Variants in FGFR2 observed in about 807,000 individuals in gnomAD.
FGFR2 encodes BEK fibroblast growth factor receptor.
FGFR2 carries 19 observed loss-of-function variants against 95.9 expected under a neutral mutation model. That is an observed-to-expected ratio of 0.20 (90% CI 0.14 to 0.29). The LOEUF (loss-of-function observed/expected upper bound fraction) is 0.29. Among genes scored for constraint, FGFR2 ranks in the 10% least tolerant of loss-of-function variants. The probability of loss-of-function intolerance (pLI) is 1.00; values close to 1 mark genes in which losing one functional copy is unlikely to be tolerated. For synonymous variants in FGFR2, 392 were observed against 393.3 expected (o/e 1.00, Z 0.04); for missense variants, 707 against 1,056.9 (o/e 0.67, Z 4.59).
At chr10:121,521,975 G>A (rs971526507) in intron 6 of FGFR2, among the ~76,000 whole-genome samples, 2 of 152,210 alleles carry the variant, frequency 1.3e-5, no homozygotes, top group Admixed American at 6.5e-5. Flanking sequence ...GAAGAAGGAG[G>A]AAATGGTGCA....
At chr10:121,581,053 T>G (rs1043102529) in intron 2 of FGFR2, among the ~76,000 whole-genome samples, 3 of 152,158 alleles carry the variant, frequency 2.0e-5, no homozygotes, top group African/African-American at 7.2e-5. Flanking sequence ...TGCCTCCACA[T>G]TGACCTGGCA....
chr10:121,500,688 C>T lies in FGFR2; in HGVS notation c.1561+138G>A. 5 of 1,216,234 alleles carry T rather than the reference C, an allele frequency of 4.1e-6. No individual in the cohort carries two copies. In the Admixed American group the frequency reaches 7.0e-5, roughly 17 times the overall value. 75.3% of individuals were successfully genotyped at this position (1,216,234 alleles called of 1,614,324 possible). ...AGTCTGTCCGAGATGCTGATTTATACCGAAAACTTCTCAACCCCTAGGTCA... is the reference window on the plus strand; with the variant it reads ...AGTCTGTCCGAGATGCTGATTTATATCGAAAACTTCTCAACCCCTAGGTCA... On this transcript the variant is annotated intron_variant, in intron 11 of 17. Transcript: ENST00000358487.
At chr10:121,547,056 C>T (rs1854623453) in intron 5 of FGFR2, among the ~76,000 whole-genome samples, 1 of 152,100 alleles carries the variant, frequency 6.6e-6, no homozygotes, top group African/African-American at 2.4e-5. Flanking sequence ...GAAACCCCAT[C>T]TCCACTAAAA....
At position 121,500,807 on chromosome 10, in the gene FGFR2, C is replaced by G; in HGVS notation, c.1561+19G>C. 6.2e-7 allele frequency: 1 copy of G among 1,613,476 alleles called. No individual in the cohort carries two copies. The highest frequency in any genetic ancestry group is 8.5e-7 in the Non-Finnish European group (1 of 1,180,022). Reference sequence around the variant, plus strand: ...CTCTCCACCCAGCCCCTCCCCGAGCCTCCCGCCTCCCCGCTCACCTTTCAA... The same window carrying G: ...CTCTCCACCCAGCCCCTCCCCGAGCGTCCCGCCTCCCCGCTCACCTTTCAA... On this transcript the variant is annotated intron_variant, in intron 11 of 17. Coordinates refer to ENST00000358487, the MANE Select transcript of FGFR2 (RefSeq NM_000141.5).
At chr10:121,538,425 A>C in intron 6 of FGFR2, 167 bp downstream of exon 6, 1 of 1,057,874 alleles carries the variant, frequency 9.5e-7, no homozygotes. Context: ...AAAACAGAAT[A>C]TTGTCAGATG....
At chr10:121,503,699 T>A in intron 10 of FGFR2, 91 bp downstream of exon 10, 1 of 1,415,656 alleles carries the variant, frequency 7.1e-7, no homozygotes, top group Non-Finnish European at 1.0e-6. Context: ...AAGACCTTTG[T>A]GGCTAAGGGT....
chr10:121,482,542 T>A (rs921484510), intron 17 of FGFR2, among the ~76,000 whole-genome samples: 4 of 152,236 alleles, frequency 2.6e-5, no homozygotes, highest in African/African-American at 9.6e-5. Flanking sequence ...GACAATTGCA[T>A]GGTTTGGAGT....
chr10:121,574,798 G>A (rs565537578), intron 2 of FGFR2, among the ~76,000 whole-genome samples: 5 of 152,230 alleles, frequency 3.3e-5, no homozygotes, highest in East Asian at 1.9e-4. Context: ...CAAATACTCC[G>A]CACAATATAA....
Position 121,503,809 on chromosome 10 carries a change from A to G in FGFR2, c.1420T>C (p.Trp474Arg). The change falls in exon 10 of 18, where the codon TGG becomes CGG. Residue 474 changes from tryptophan (W) to arginine (R), a missense_variant. Around this residue, in one of 7 missense-constraint regions of FGFR2, gnomAD observed 194 missense variants for 267.3 expected, o/e 0.73. Transcript: ENST00000358487. ...ACTCACTTATCTCTTGGAAACTCCC[A>G]TTTTGGGTCCTCTGGAAGTTCATAC... ...SEYELPEDPKWEFPRDKLTLG... is the reference protein window; with the variant it reads ...SEYELPEDPKREFPRDKLTLG... 6.2e-7 allele frequency: 1 copy of G among 1,614,154 alleles called. No individual in the cohort carries two copies. The highest frequency in any genetic ancestry group is 8.5e-7 in the Non-Finnish European group (1 of 1,180,026).
At chr10:121,504,616 C>T (rs192819260) in intron 9 of FGFR2, among the ~76,000 whole-genome samples, 5 of 152,194 alleles carry the variant, frequency 3.3e-5, no homozygotes, top group East Asian at 1.9e-4. Flanking sequence ...CTCTTGTCTT[C>T]GGTTTCAGAA....
At chr10:121,571,336 T>C (rs1290120242) in intron 2 of FGFR2, among the ~76,000 whole-genome samples, 69 of 107,390 alleles carry the variant, frequency 6.4e-4, no homozygotes, top group African/African-American at 2.5e-3. Context: ...AGTCTCGCTC[T>C]CTCCCAGGCT....
At chr10:121,507,455 G>T (rs546635975) in intron 9 of FGFR2, among the ~76,000 whole-genome samples, 28 of 152,296 alleles carry the variant, frequency 1.8e-4, no homozygotes, top group Non-Finnish European at 3.7e-4. Context: ...GGGCATGGTG[G>T]TGAGTGCCTG....
At chr10:121,551,543 G>A (rs1023792314) in intron 4 of FGFR2, 84 bp from the exon 5 acceptor site, 15 of 1,261,222 alleles carry the variant, frequency 1.2e-5, no homozygotes, top group Admixed American at 9.4e-5. Flanking sequence ...AGATCATTTC[G>A]CTTTGCATGT....
At chr10:121,574,583 G>A (rs1471487656) in intron 2 of FGFR2, among the ~76,000 whole-genome samples, 3 of 152,006 alleles carry the variant, frequency 2.0e-5, no homozygotes, top group Non-Finnish European at 2.9e-5. Flanking sequence ...ATGGAGTCCC[G>A]CCATTGAAGT....
chr10:121,586,576 G>A (rs1036920892), intron 2 of FGFR2, among the ~76,000 whole-genome samples: 2 of 152,328 alleles, frequency 1.3e-5, no homozygotes, highest in African/African-American at 4.8e-5. Context: ...CCAAAGTGGA[G>A]TAAATTACAC....
At chr10:121,516,936 A>C (rs1282317012) in intron 8 of FGFR2, among the ~76,000 whole-genome samples, 1 of 152,230 alleles carries the variant, frequency 6.6e-6, no homozygotes, top group Non-Finnish European at 1.5e-5. Flanking sequence ...GATGAAAGCA[A>C]TAAAAACACA....
intron 4 of FGFR2, among the ~76,000 whole-genome samples, chr10:121,563,785 C>A (rs1022659205): frequency 3.9e-5 from 6 of 152,186 alleles, no homozygotes; most frequent in East Asian, 3.9e-4. Flanking sequence ...CAAGAGGCTA[C>A]GCCATGTTCT....
chr10:121,533,396 C>T (rs1470959086), intron 6 of FGFR2, among the ~76,000 whole-genome samples: 1 of 152,118 alleles, frequency 6.6e-6, no homozygotes, highest in African/African-American at 2.4e-5. Flanking sequence ...TCTCAAAAAA[C>T]ACAAGGAGTG....
At chr10:121,547,225 A>AAAAAAT (rs1220412540) in intron 5 of FGFR2, among the ~76,000 whole-genome samples, 1 of 152,162 alleles carries the variant, frequency 6.6e-6, no homozygotes, top group Non-Finnish European at 1.5e-5. Flanking sequence ...ACTCAGTCTC[A>AAAAAAT]AAAAATAAAA....
Sources: gnomAD v4.1 joint callset for allele counts (sites outside exome capture counted in the v4.1 genomes callset) on GRCh38, gnomAD v4.1.1 for gene constraint, gnomAD v4.1.1 regional missense constraint, MANE v1.5 for transcripts, NCBI Gene and HGNC (gene_info 2026-07-23, HGNC 2026-07-21) for gene names.